Variants in SCNN1B observed in about 807,000 individuals in gnomAD.
SCNN1B encodes the protein sodium channel epithelial 1 subunit beta.
Under a neutral mutation model 65.3 loss-of-function variants are expected in SCNN1B, and 46 were observed. The observed-to-expected ratio is 0.70, with a 90% CI of 0.56 to 0.90. The LOEUF is 0.90. SCNN1B is among the 40% of genes least tolerant of loss of function. SCNN1B has a pLI of 0.00. For missense variants in SCNN1B, 751 were observed against 830.5 expected, an observed-to-expected ratio of 0.90 and a Z score of 1.18; for synonymous variants, 349 against 330.6, an observed-to-expected ratio of 1.06 and a Z score of -0.60.
At chr16:23,374,618 G>A (rs1468127452) in intron 7 of SCNN1B, among the ~76,000 whole-genome samples, 1 of 143,520 alleles carries the variant, frequency 7.0e-6, no homozygotes, top group Non-Finnish European at 1.5e-5. Flanking sequence ...ACACTTGCCC[G>A]AAACCGAGCT....
At chr16:23,379,874 G>A (rs1963001543) in intron 11 of SCNN1B, among the ~76,000 whole-genome samples, 1 of 152,226 alleles carries the variant, frequency 6.6e-6, no homozygotes, top group South Asian at 2.1e-4. Flanking sequence ...CCACTCACGG[G>A]GGCACGCATG....
At chr16:23,316,020 TCATCAC>T (rs1464837089) in intron 1 of SCNN1B, among the ~76,000 whole-genome samples, 1 of 144,838 alleles carries the variant, frequency 6.9e-6, no homozygotes, top group Admixed American at 6.9e-5. Flanking sequence ...ATCATCCCCA[TCATCAC>T]CATCACCATC....
rs771065224 is a variant in SCNN1B, at chr16:23,380,471, G to A, written c.1593G>A (p.Gly531=). 1.3e-5 allele frequency: 21 copies of A among 1,614,114 alleles called. No homozygotes were observed. In the East Asian group the frequency reaches 4.2e-4, roughly 33 times the overall value. The change falls in exon 13 of 13, where the codon GGG becomes GGA. Residue 531 remains glycine (G), a synonymous_variant. Coordinates refer to ENST00000343070, the MANE Select transcript of SCNN1B (RefSeq NM_000336.3). This position sits in a 1 kb window ranked among gnomAD's most constrained non-coding sequence, Gnocchi z 5.4. ...GTGGCCAGTTTGGCTTCTGGATGGGGGGCTCTGTGCTGTGCCTCATCGAGT... is the reference window on the plus strand; with the variant it reads ...GTGGCCAGTTTGGCTTCTGGATGGGAGGCTCTGTGCTGTGCCTCATCGAGT... The part of the protein sequence containing the change: ...NLGGQFGFWM[G]GSVLCLIEFG...
chr16:23,375,979 C>T, intron 8 of SCNN1B, 124 bp downstream of exon 8: 1 of 710,506 alleles, frequency 1.4e-6, no homozygotes, highest in Non-Finnish European at 2.5e-6. Context: ...GGTGGCTCCT[C>T]CACAGTCTGA....
intron 2 of SCNN1B, among the ~76,000 whole-genome samples, chr16:23,350,475 G>A (rs1397522445): frequency 1.3e-5 from 2 of 152,192 alleles, no homozygotes; most frequent in Non-Finnish European, 2.9e-5. Flanking sequence ...ATAAAAAAAA[G>A]TGCCCTAAGG....
intron 8 of SCNN1B, among the ~76,000 whole-genome samples, chr16:23,376,332 T>C (rs1189229898): frequency 6.7e-6 from 1 of 149,766 alleles, no homozygotes; most frequent in Non-Finnish European, 1.5e-5. Flanking sequence ...TTGTGCACTC[T>C]GGCTTTTGTG....
At chr16:23,294,745 C>T (rs998704236) in intron 2 of SCNN1B, among the ~76,000 whole-genome samples, 4 of 152,172 alleles carry the variant, frequency 2.6e-5, no homozygotes, top group East Asian at 1.9e-4. Flanking sequence ...GTTATCCCAT[C>T]ACTTTGGGAG....
At chr16:23,371,183 TCCTTGGCGGTC>T in intron 5 of SCNN1B, 105 bp from the exon 6 acceptor site, 1 of 1,166,614 alleles carries the variant, frequency 8.6e-7, no homozygotes, top group Non-Finnish European at 1.2e-6. Flanking sequence ...GGAGCCAGCC[TCCTTGGCGGTC>T]CCTGGAGGTC....
chr16:23,326,195 GT>G lies in SCNN1B; in HGVS notation c.-8-22390del, dbSNP rs549903282. 9.3e-5 allele frequency among the ~76,000 whole-genome samples: 14 copies of G among 149,770 alleles called. No individual in the cohort carries two copies. In the South Asian group the frequency reaches 1.7e-3, roughly 19 times the overall value. On this transcript the variant is annotated intron_variant, in intron 1 of 12. Transcript: ENST00000343070. ...ATTTTTTCATATACTTAGAATCCTG[GT>G]TTTTTTCAAGCAGCATTCTATTATA...
intron 1 of SCNN1B, among the ~76,000 whole-genome samples, chr16:23,322,076 C>T (rs192015802): frequency 4.4e-4 from 67 of 152,158 alleles, no homozygotes; most frequent in African/African-American, 1.4e-3. Flanking sequence ...TAAACTGCCC[C>T]GACACAAACT....
chr16:23,324,454 C>T (rs1961651868), intron 1 of SCNN1B, among the ~76,000 whole-genome samples: 1 of 152,140 alleles, frequency 6.6e-6, no homozygotes, highest in African/African-American at 2.4e-5. Context: ...CCTCCCACAT[C>T]AGCCTCTCAA....
chr16:23,365,607 A>G (rs1192455369), intron 4 of SCNN1B, among the ~76,000 whole-genome samples: 6 of 76,720 alleles, frequency 7.8e-5, no homozygotes, highest in Non-Finnish European at 1.2e-4. Context: ...GAAAGAAAGA[A>G]AGAAAGAAAG....
intron 1 of SCNN1B, among the ~76,000 whole-genome samples, chr16:23,332,598 TG>T (rs1198862592): frequency 6.6e-6 from 1 of 152,142 alleles, no homozygotes; most frequent in Non-Finnish European, 1.5e-5. Context: ...CCCAAGGTGC[TG>T]GAATTACAGG....
At chr16:23,310,290 CAAA>C (rs202228096) in intron 1 of SCNN1B, among the ~76,000 whole-genome samples, 5 of 93,000 alleles carry the variant, frequency 5.4e-5, no homozygotes, top group African/African-American at 1.6e-4. Context: ...TCTGCATGAC[CAAA>C]AAAAAAAAAA....
chr16:23,363,463 C>A (rs1962591367), intron 4 of SCNN1B, among the ~76,000 whole-genome samples: 1 of 152,174 alleles, frequency 6.6e-6, no homozygotes, highest in Non-Finnish European at 1.5e-5. Flanking sequence ...AGGTCATGCT[C>A]CCTCCCCGGG....
At chr16:23,315,324 C>T (rs184930178) in intron 1 of SCNN1B, among the ~76,000 whole-genome samples, 9 of 151,516 alleles carry the variant, frequency 5.9e-5, no homozygotes, top group Non-Finnish European at 1.0e-4. Flanking sequence ...GCAACAAGAG[C>T]GAAAGTCTGT....
intron 2 of SCNN1B, among the ~76,000 whole-genome samples, chr16:23,290,200 G>T (rs755453977): frequency 2.0e-5 from 3 of 152,168 alleles, no homozygotes. Context: ...TGTTTAAGAC[G>T]ATGGCTGGCA....
Position 23,279,614 on chromosome 16 carries a change from G to A in SCNN1B, n.110+1274G>A, listed in dbSNP as rs565471151. ...CGCATATAGCTTATCTTTGGGCTCA[G>A]AACTGGCTGATATTTAATTTTCTGC... is the stretch of plus-strand genomic sequence containing the variant. On this transcript the variant is annotated intron_variant and non_coding_transcript_variant, in intron 1 of 3. Coordinates refer to the SCNN1B transcript ENST00000569789. Among the ~76,000 whole-genome samples the A allele has an allele frequency of 1.7e-4, 26 of 152,346 alleles. No individual in the cohort carries two copies. The South Asian group carries it at 5.4e-3, about 32-fold the overall frequency.
intron 6 of SCNN1B, 67 bp downstream of exon 6, chr16:23,371,529 C>T (rs1962784268): frequency 3.3e-6 from 5 of 1,505,714 alleles, no homozygotes; most frequent in Non-Finnish European, 4.6e-6. Flanking sequence ...CCAGGGCCAA[C>T]TGCCCTTGGC....
Sources: allele counts gnomAD v4.1 joint callset (sites outside exome capture counted in the v4.1 genomes callset), GRCh38; gene constraint gnomAD v4.1.1; non-coding constraint Gnocchi (gnomAD v3.1); transcripts MANE v1.5; gene names NCBI Gene and HGNC (gene_info 2026-07-23, HGNC 2026-07-21).